Variants in LAMA1 observed in about 807,000 individuals in gnomAD.
The protein encoded by LAMA1 is laminin subunit alpha-1.
A neutral mutation model predicts 348.7 loss-of-function variants in LAMA1; 219 were observed. The ratio of observed to expected loss-of-function variants is 0.63; its 90% confidence interval spans 0.56 to 0.70. The LOEUF is 0.70. Among genes scored for constraint, LAMA1 ranks in the 30% least tolerant of loss-of-function variants. The pLI is 0.00. For synonymous variants in LAMA1, 1,487 were observed against 1,491.0 expected (o/e 1.00, Z 0.06); for missense variants, 3,744 against 3,888.0 (o/e 0.96, Z 0.99).
intron 57 of LAMA1, among the ~76,000 whole-genome samples, chr18:6,953,287 G>C (rs568562206): frequency 4.6e-5 from 7 of 152,400 alleles, no homozygotes; most frequent in African/African-American, 1.7e-4. Flanking sequence ...GACTGTGGCA[G>C]TACAGCGGGG....
intron 1 of LAMA1, among the ~76,000 whole-genome samples, chr18:7,102,182 T>A (rs2058293870): frequency 6.6e-6 from 1 of 152,174 alleles, no homozygotes. Context: ...CCAACAAAGT[T>A]AGAAACCACT....
chr18:7,019,902 G>A (rs1158765146), intron 19 of LAMA1, among the ~76,000 whole-genome samples: 1 of 151,588 alleles, frequency 6.6e-6, no homozygotes, highest in African/African-American at 2.4e-5. Flanking sequence ...GGCTGGTCTC[G>A]AACTCCTGAC....
chr18:7,021,916 G>A (rs1468625624), intron 19 of LAMA1, among the ~76,000 whole-genome samples: 1 of 147,662 alleles, frequency 6.8e-6, no homozygotes, highest in Non-Finnish European at 1.5e-5. Flanking sequence ...TATAATAGCT[G>A]CCATTTATTT....
At chr18:7,036,864 AC>A (rs893421249) in intron 12 of LAMA1, among the ~76,000 whole-genome samples, 27 of 152,166 alleles carry the variant, frequency 1.8e-4, no homozygotes, top group African/African-American at 5.6e-4. Flanking sequence ...ACAAAACAAA[AC>A]CAAAAACCCG....
chr18:7,001,550 T>C (rs2057807814), intron 30 of LAMA1, among the ~76,000 whole-genome samples: 1 of 152,220 alleles, frequency 6.6e-6, no homozygotes, highest in East Asian at 1.9e-4. Context: ...AGGCATCATT[T>C]ACTTGGAGGC....
chr18:6,956,505 A>ACAGCTCCAGCTC (rs11270496), intron 56 of LAMA1, 131 bp downstream of exon 56: 17 of 1,468,580 alleles, frequency 1.2e-5, no homozygotes, highest in African/African-American at 6.9e-5. Context: ...GATTTTTAGC[A>ACAGCTCCAGCTC]CAGCTCCAGC....
chr18:6,955,735 C>A (rs544865804), intron 56 of LAMA1: 2 of 547,176 alleles, frequency 3.7e-6, no homozygotes, highest in Non-Finnish European at 6.8e-6. Flanking sequence ...GTCTCTCCTA[C>A]AAATTTTCAT....
At chr18:6,993,576 T>C (rs2057767711) in intron 35 of LAMA1, 65 bp downstream of exon 35, 1 of 1,135,158 alleles carries the variant, frequency 8.8e-7, no homozygotes, top group Admixed American at 1.7e-5. Context: ...ATATGTTTAA[T>C]AAAGCAATGG....
chr18:7,086,115 C>T (rs2058216135), intron 1 of LAMA1, among the ~76,000 whole-genome samples: 1 of 152,136 alleles, frequency 6.6e-6, no homozygotes, highest in African/African-American at 2.4e-5. Context: ...TAACAAGCAC[C>T]TCTTAGGTGT....
Position 7,117,659 on chromosome 18 carries a change from C to A in LAMA1, c.61+1G>T. ...GACCCTAGGACCCGGGCCGGGCTCACCTCTCTGCCGGCACTGCGCGGCGAC... is the reference window on the plus strand; with the variant it reads ...GACCCTAGGACCCGGGCCGGGCTCAACTCTCTGCCGGCACTGCGCGGCGAC... On this transcript the variant is annotated splice_donor_variant, in intron 1 of 62. Coordinates refer to ENST00000389658, the MANE Select transcript of LAMA1 (RefSeq NM_005559.4). LOFTEE classifies it high-confidence loss of function. 1 of 1,597,742 alleles carries A rather than the reference C, an allele frequency of 6.3e-7. No individual in the cohort carries two copies. Among genetic ancestry groups the A allele is most frequent in the South Asian group, 1.1e-5 (1 of 90,800 alleles).
intron 1 of LAMA1, 120 bp downstream of exon 1, chr18:7,117,540 G>GCC (rs1466954592): frequency 3.8e-5 from 40 of 1,046,818 alleles, no homozygotes; most frequent in Non-Finnish European, 5.3e-5. Flanking sequence ...CACCCACTCC[G>GCC]AGGTGGATCA....
intron 16 of LAMA1, among the ~76,000 whole-genome samples, chr18:7,026,738 C>T (rs1391034881): frequency 6.6e-6 from 1 of 152,138 alleles, no homozygotes; most frequent in Non-Finnish European, 1.5e-5. Context: ...TGGCTCATGC[C>T]TGTAATCCCA....
chr18:7,023,527 C>T, intron 18 of LAMA1, 152 bp from the exon 19 acceptor site: 1 of 723,874 alleles, frequency 1.4e-6, no homozygotes, highest in Non-Finnish European at 2.4e-6. Flanking sequence ...CTCGGGCATT[C>T]CCAGATCTCC....
chr18:7,011,310 T>G lies in LAMA1; in HGVS notation c.3677A>C (p.Gln1226Pro). 1 of 1,610,084 alleles carries G rather than the reference T, an allele frequency of 6.2e-7. No homozygotes were observed. The highest frequency in any genetic ancestry group is 8.5e-7 in the Non-Finnish European group (1 of 1,178,910). Residue 1226 changes from glutamine (Q) to proline (P), a missense_variant, in exon 25 of 63, where the codon CAA becomes CCA. Transcript: ENST00000389658. ...PFYWRLPQQFQGDQLMAYGGK... is the reference protein window; with the variant it reads ...PFYWRLPQQFPGDQLMAYGGK... ...GGGCGTGCACCTCACCTGGTCTCCT[T>G]GGAACTGCTGCGGCAGCCGCCAGTA... is the stretch of plus-strand genomic sequence containing the variant.
At chr18:6,979,834 G>A (rs1286057572) in intron 42 of LAMA1, among the ~76,000 whole-genome samples, 34 of 152,270 alleles carry the variant, frequency 2.2e-4, no homozygotes, top group Non-Finnish European at 4.3e-4. Context: ...GGGGGGCGGA[G>A]CTTGCAGTGA....
chr18:7,052,430 C>CAA (rs1351925258), intron 3 of LAMA1, among the ~76,000 whole-genome samples: 44 of 138,296 alleles, frequency 3.2e-4, no homozygotes, highest in African/African-American at 1.1e-3. Flanking sequence ...GACTCTGTAT[C>CAA]AAAAAAAAAA....
At chr18:7,077,689 C>T (rs1405558323) in intron 3 of LAMA1, among the ~76,000 whole-genome samples, 3 of 151,994 alleles carry the variant, frequency 2.0e-5, no homozygotes, top group Non-Finnish European at 4.4e-5. Flanking sequence ...TTTGGCCAAA[C>T]TCATATAATA....
Position 7,110,824 on chromosome 18 carries a change from G to C in LAMA1, c.61+6836C>G, listed in dbSNP as rs924017821. ...CAACAGAGTGAGACTCCATGTCAAA[G>C]GAAAAAACAAAGAAAAAAGTATGGT... is the stretch of plus-strand genomic sequence containing the variant. On this transcript the variant is annotated intron_variant, in intron 1 of 62. Transcript: ENST00000389658. Among the ~76,000 whole-genome samples the C allele has an allele frequency of 2.6e-5, 4 of 152,006 alleles. No homozygotes were observed. In the South Asian group the frequency reaches 8.3e-4, roughly 32 times the overall value.
At chr18:7,047,045 C>CT (rs11312379) in intron 5 of LAMA1, among the ~76,000 whole-genome samples, 10,384 of 133,166 alleles carry the variant, frequency 0.078, 744 homozygotes, top group East Asian at 0.2. Flanking sequence ...GCCTTGATTT[C>CT]TTTTTTTTTT....
Sources: allele counts gnomAD v4.1 joint callset (sites outside exome capture counted in the v4.1 genomes callset), GRCh38; gene constraint gnomAD v4.1.1; transcripts MANE v1.5; gene names NCBI Gene and HGNC (gene_info 2026-07-23, HGNC 2026-07-21).